Variants in ZBTB7C observed in about 807,000 individuals in gnomAD.
The protein encoded by ZBTB7C is zinc finger and BTB domain-containing protein 7C.
In ZBTB7C, 8 loss-of-function variants were observed where a neutral mutation model predicts 25.7. The observed-to-expected ratio is 0.31, with a 90% confidence interval of 0.18 to 0.56. The LOEUF (loss-of-function observed/expected upper bound fraction) is 0.56, where lower values mean the gene tolerates loss of function less well. Among genes scored for constraint, ZBTB7C ranks in the 20% least tolerant of loss-of-function variants. The pLI is 0.91. For synonymous variants in ZBTB7C, 394 were observed against 369.0 expected (o/e 1.07, Z -0.78); for missense variants, 824 against 855.2 (o/e 0.96, Z 0.46).
chr18:48,129,037 G>T (rs930632496), intron 3 of ZBTB7C, among the ~76,000 whole-genome samples: 3 of 152,070 alleles, frequency 2.0e-5, no homozygotes, highest in Admixed American at 1.3e-4. Flanking sequence ...AGGGGATGAG[G>T]TGAGGGGTTT....
intron 2 of ZBTB7C, among the ~76,000 whole-genome samples, chr18:48,254,146 C>T (rs962754157): frequency 5.3e-5 from 8 of 152,204 alleles, no homozygotes; most frequent in Non-Finnish European, 8.8e-5. Context: ...TAACGAAAAG[C>T]AGCCCCCAAA....
intron 3 of ZBTB7C, among the ~76,000 whole-genome samples, chr18:48,075,879 G>A (rs935478054): frequency 6.6e-6 from 1 of 152,114 alleles, no homozygotes; most frequent in Non-Finnish European, 1.5e-5. Context: ...TCCCAAATCC[G>A]CTCTCCTAGG....
In ZBTB7C at chr18:48,117,331, T is replaced by G. The variant is rs113545241; in HGVS notation, c.-17+68603A>C. On this transcript the variant is annotated intron_variant, in intron 3 of 4. Transcript: ENST00000590800. ...GCAGATGGGAGTTAATGGAGAGGCG[T>G]GAATAAATGCTGAACTGAGAGACAA... is the stretch of plus-strand genomic sequence containing the variant. Among the ~76,000 whole-genome samples the G allele has an allele frequency of 2.4e-3, 367 of 152,162 alleles. 2 individuals carry two copies. The highest frequency in any genetic ancestry group is 8.2e-3 in the African/African-American group (342 of 41,510).
intron 2 of ZBTB7C, chr18:48,252,473 C>T (rs575622476): frequency 8.5e-5 from 13 of 152,398 alleles, no homozygotes; most frequent in African/African-American, 2.9e-4. Context: ...TCAGTTTCCT[C>T]GTTCTTAAAT....
chr18:48,159,812 C>T (rs1442534840), intron 3 of ZBTB7C, among the ~76,000 whole-genome samples: 3 of 152,212 alleles, frequency 2.0e-5, no homozygotes, highest in Admixed American at 2.0e-4. Flanking sequence ...GCAGGCAGGA[C>T]CCCAGAGGCA....
chr18:48,246,679 A>G (rs2043704600), intron 2 of ZBTB7C, among the ~76,000 whole-genome samples: 1 of 152,128 alleles, frequency 6.6e-6, no homozygotes, highest in South Asian at 2.1e-4. Context: ...GTTAAACTAA[A>G]TATGTTAGTT....
At chr18:48,210,994 CAAAT>C (rs1568305197) in intron 2 of ZBTB7C, among the ~76,000 whole-genome samples, 1 of 151,946 alleles carries the variant, frequency 6.6e-6, no homozygotes, top group Non-Finnish European at 1.5e-5. Flanking sequence ...AAATAATAGA[CAAAT>C]AGATCAATGG....
chr18:48,339,782 A>G (rs143276711), intron 1 of ZBTB7C, among the ~76,000 whole-genome samples: 3 of 152,282 alleles, frequency 2.0e-5, no homozygotes, highest in African/African-American at 7.2e-5. Flanking sequence ...GAAGAGGAGA[A>G]AGCACAGAGA....
At chr18:48,194,172 T>A (rs139086994) in intron 2 of ZBTB7C, among the ~76,000 whole-genome samples, 3 of 152,342 alleles carry the variant, frequency 2.0e-5, no homozygotes, top group Non-Finnish European at 4.4e-5. Context: ...ATCTCCCTAG[T>A]CTGGCTGCCC....
At chr18:48,411,254 GT>G (rs1294047680), upstream of ZBTB7C, among the ~76,000 whole-genome samples, 2 of 112,606 alleles carry the variant, frequency 1.8e-5, no homozygotes, top group African/African-American at 5.3e-5. Context: ...TTCCTACTAA[GT>G]AAATTTCACC....
chr18:48,121,399 CTTT>C (rs11322551), intron 3 of ZBTB7C, among the ~76,000 whole-genome samples: 1,958 of 148,898 alleles, frequency 0.013, 16 homozygotes, highest in African/African-American at 0.021. Context: ...GCTTAATACT[CTTT>C]TTTTTTTTTT....
At chr18:48,138,567 G>A (rs1229656914) in intron 3 of ZBTB7C, among the ~76,000 whole-genome samples, 3 of 152,198 alleles carry the variant, frequency 2.0e-5, no homozygotes, top group Non-Finnish European at 2.9e-5. Flanking sequence ...TGCGTGAGGG[G>A]AGAGAGAGGC....
chr18:48,331,100 TGCTA>T (rs1302978993), intron 2 of ZBTB7C, among the ~76,000 whole-genome samples: 4 of 152,132 alleles, frequency 2.6e-5, no homozygotes, highest in African/African-American at 9.7e-5. Flanking sequence ...CAGAAGGCTT[TGCTA>T]GCCTCCATCC....
At chr18:48,072,938 C>T (rs533648073) in intron 3 of ZBTB7C, among the ~76,000 whole-genome samples, 3 of 152,202 alleles carry the variant, frequency 2.0e-5, no homozygotes, top group Non-Finnish European at 2.9e-5. Context: ...TCCCTTCCCC[C>T]TCCAGGCCAC....
At chr18:48,308,035 T>C (rs981367150) in intron 2 of ZBTB7C, among the ~76,000 whole-genome samples, 1 of 152,114 alleles carries the variant, frequency 6.6e-6, no homozygotes, top group African/African-American at 2.4e-5. Flanking sequence ...ACCATGCCAA[T>C]CTATCCCTTT....
intron 2 of ZBTB7C, among the ~76,000 whole-genome samples, chr18:48,297,546 G>A (rs973021824): frequency 1.3e-5 from 2 of 152,112 alleles, no homozygotes. Flanking sequence ...GTGCTGCCAT[G>A]TTCGTCTGGA....
rs760096959 is a variant in ZBTB7C at position 48,270,253 on chromosome 18, C to CTTT, written c.-79+67918_-79+67920dup. ...TAAACCTAGTTCTTTTTCTCTCTTT[C>CTTT]TTTTTTTTTTTTTTTTTTTTTTTGA... On this transcript the variant is annotated intron_variant, in intron 2 of 4. Transcript: ENST00000590800. Among the ~76,000 whole-genome samples the CTTT allele has an allele frequency of 3.4e-3, 336 of 98,760 alleles. 3 individuals are homozygous for CTTT. The highest frequency in any genetic ancestry group is 4.1e-3 in the Non-Finnish European group (203 of 49,490). 64.8% of individuals were successfully genotyped at this position (98,760 alleles called of 152,430 possible).
intron 3 of ZBTB7C, among the ~76,000 whole-genome samples, chr18:48,124,067 C>G (rs2144735390): frequency 6.6e-6 from 1 of 152,268 alleles, no homozygotes; most frequent in East Asian, 1.9e-4. Flanking sequence ...TCAAGTTAAC[C>G]CCATGACCTG....
intron 2 of ZBTB7C, among the ~76,000 whole-genome samples, chr18:48,298,712 C>G (rs920706625): frequency 9.2e-5 from 14 of 152,216 alleles, no homozygotes; most frequent in African/African-American, 3.4e-4. Flanking sequence ...CCGGAGCCCT[C>G]TGGGGTATAG....
Sources: gnomAD v4.1 joint callset for allele counts (sites outside exome capture counted in the v4.1 genomes callset) on GRCh38, gnomAD v4.1.1 for gene constraint, MANE v1.5 for transcripts, NCBI Gene and HGNC (gene_info 2026-07-23, HGNC 2026-07-21) for gene names.